Variants in AGBL1 observed in about 807,000 individuals in gnomAD.
The protein encoded by AGBL1 is AGBL carboxypeptidase 1, also known as cytosolic carboxypeptidase 4.
AGBL1 carries 130 observed loss-of-function variants against 118.9 expected under a neutral mutation model. The observed-to-expected ratio is 1.09, with a 90% CI of 0.95 to 1.26. The LOEUF is 1.26. Ranked by LOEUF, AGBL1 falls within the 50% of genes most tolerant of loss-of-function variation. The pLI, the probability that AGBL1 is intolerant of heterozygous loss-of-function variation, is 0.00. For synonymous variants in AGBL1, 555 were observed against 478.9 expected (o/e 1.16, Z -2.08); for missense variants, 1,584 against 1,298.1 (o/e 1.22, Z -3.38).
At chr15:86,084,934 A>G (rs1317378075) in intron 1 of AGBL1, among the ~76,000 whole-genome samples, 2 of 152,206 alleles carry the variant, frequency 1.3e-5, no homozygotes, top group African/African-American at 4.8e-5. Flanking sequence ...GAGATGTGTA[A>G]AAATGAGAAT....
chr15:86,202,198 C>A (rs944974432), intron 5 of AGBL1, among the ~76,000 whole-genome samples: 3 of 152,106 alleles, frequency 2.0e-5, no homozygotes, highest in Non-Finnish European at 4.4e-5. Flanking sequence ...GGGGCTGAGG[C>A]AGGAGAATCC....
chr15:86,739,401 C>A (rs900716741), intron 22 of AGBL1, among the ~76,000 whole-genome samples: 1 of 140,200 alleles, frequency 7.1e-6, no homozygotes, highest in Admixed American at 7.4e-5. Flanking sequence ...CAAGATCGTG[C>A]CATTGCACTC....
chr15:86,360,161 T>C (rs1243835529), intron 17 of AGBL1, among the ~76,000 whole-genome samples: 2 of 151,984 alleles, frequency 1.3e-5, no homozygotes, highest in Admixed American at 6.6e-5. Context: ...TTGATTATCA[T>C]GTGATCTGTG....
At position 86,247,792 on chromosome 15, in the gene AGBL1, C is replaced by G. The variant is rs756569023; in HGVS notation, c.648C>G (p.Leu216=). 41 of 1,613,842 alleles carry G rather than the reference C, an allele frequency of 2.5e-5. 1 individual carries two copies. In the South Asian group the frequency reaches 3.8e-4, roughly 15 times the overall value. The change falls in exon 7 of 23, where the codon CTC becomes CTG. Residue 216 remains leucine, a synonymous_variant. Transcript: ENST00000614907. ...TGCAGATCCGACGGGGCTTGCTGCT[C>G]TGCCTCAGGCACATTGCTGCCCTCC... ...AYVQIRRGLL[L]CLRHIAALRS... is the part of the protein sequence containing the mutation.
chr15:86,893,857 G>A lies in AGBL1; in HGVS notation c.3159-13230G>A, dbSNP rs114343988. Reference sequence around the variant, plus strand: ...CAAGAAGAAGAGGTTTTATGCTATGGCATTCATTTCTATGTATATCATTTC... The same window carrying A: ...CAAGAAGAAGAGGTTTTATGCTATGACATTCATTTCTATGTATATCATTTC... On this transcript the variant is annotated intron_variant, in intron 22 of 22. Transcript: ENST00000614907. 9.3e-3 allele frequency among the ~76,000 whole-genome samples: 1,419 copies of A among 152,194 alleles called. 22 individuals carry two copies. The highest frequency in any genetic ancestry group is 0.033 in the African/African-American group (1,373 of 41,508).
rs141701713 is a variant in AGBL1, at chr15:86,335,847, C to T, written c.2374+40439C>T. Among the ~76,000 whole-genome samples, 387 of 152,286 alleles carry T rather than the reference C, an allele frequency of 2.5e-3. 2 individuals carry two copies. The highest frequency in any genetic ancestry group is 7.0e-3 in the African/African-American group (289 of 41,558). On this transcript the variant is annotated intron_variant, in intron 17 of 22. Transcript: ENST00000614907. The stretch of plus-strand genomic sequence containing the variant: ...CACTTAAATTCAGGACACTCTACTC[C>T]TGGTTTGTCACTTACTACCTGTGAG...
intron 17 of AGBL1, among the ~76,000 whole-genome samples, chr15:86,383,744 T>C (rs1185083974): frequency 1.3e-5 from 2 of 152,210 alleles, no homozygotes; most frequent in Non-Finnish European, 2.9e-5. Flanking sequence ...CAAGAGCAGA[T>C]ACTTTGCTTC....
At chr15:86,976,989 C>A in intron 23 of AGBL1, among the ~76,000 whole-genome samples, 1 of 151,816 alleles carries the variant, frequency 6.6e-6, no homozygotes. Flanking sequence ...TTGTTGATGT[C>A]TTTTAATTTT....
At chr15:86,771,559 C>G (rs1419969437) in intron 22 of AGBL1, among the ~76,000 whole-genome samples, 1 of 151,962 alleles carries the variant, frequency 6.6e-6, no homozygotes, top group Non-Finnish European at 1.5e-5. Flanking sequence ...TTACCCCTAA[C>G]CCCCGTATTT....
At chr15:86,234,614 C>G (rs948903858) in intron 6 of AGBL1, among the ~76,000 whole-genome samples, 2 of 150,464 alleles carry the variant, frequency 1.3e-5, no homozygotes, top group Non-Finnish European at 3.0e-5. Context: ...TCAGTGGTCA[C>G]TGTGCAGGCT....
chr15:86,127,790 C>A (rs1018402603), intron 1 of AGBL1, among the ~76,000 whole-genome samples: 45 of 152,136 alleles, frequency 3.0e-4, no homozygotes, highest in South Asian at 2.1e-4. Flanking sequence ...TCACATAAAA[C>A]CCTCCTGTGA....
At chr15:86,643,888 A>C (rs2085231283) in intron 21 of AGBL1, among the ~76,000 whole-genome samples, 2 of 152,190 alleles carry the variant, frequency 1.3e-5, no homozygotes, top group East Asian at 3.8e-4. Context: ...AGAGAAGAGC[A>C]GCTTTCAACT....
intron 21 of AGBL1, among the ~76,000 whole-genome samples, chr15:86,588,888 T>C (rs1391956788): frequency 6.6e-6 from 1 of 152,206 alleles, no homozygotes; most frequent in East Asian, 1.9e-4. Flanking sequence ...GGCAAATACG[T>C]GTTATCAATG....
intron 5 of AGBL1, among the ~76,000 whole-genome samples, chr15:86,210,673 T>C (rs994616948): frequency 6.6e-6 from 1 of 152,218 alleles, no homozygotes; most frequent in Non-Finnish European, 1.5e-5. Flanking sequence ...ATCAGGTCAT[T>C]TGAGGTTTTC....
chr15:86,129,894 T>C (rs967561439), intron 1 of AGBL1, among the ~76,000 whole-genome samples: 1 of 152,036 alleles, frequency 6.6e-6, no homozygotes, highest in African/African-American at 2.4e-5. Flanking sequence ...AAATTTAAAA[T>C]TGTGGAATGG....
intron 22 of AGBL1, among the ~76,000 whole-genome samples, chr15:86,816,189 A>G (rs139534866): frequency 0.012 from 1,861 of 152,340 alleles, 26 homozygotes; most frequent in Middle Eastern, 0.061. Flanking sequence ...CCTTTAGGAC[A>G]GAGGACAAAA....
rs565100740 is a variant in AGBL1 at position 86,590,087 on chromosome 15, G to T, written c.2994+35550G>T. Among the ~76,000 whole-genome samples the T allele has an allele frequency of 3.2e-4, 49 of 152,294 alleles. No individual in the cohort carries two copies. In the South Asian group the frequency reaches 7.7e-3, roughly 24 times the overall value. Reference sequence around the variant, plus strand: ...CACAGGGAGAACCACAGAGTGATTGGCCTCCCCAGTGGGCTGCAAAAGCTT... The same window carrying T: ...CACAGGGAGAACCACAGAGTGATTGTCCTCCCCAGTGGGCTGCAAAAGCTT... On this transcript the variant is annotated intron_variant, in intron 21 of 22. Coordinates refer to ENST00000614907, the MANE Select transcript of AGBL1 (RefSeq NM_001386094.1).
At chr15:86,682,782 A>C (rs1055918164) in intron 22 of AGBL1, among the ~76,000 whole-genome samples, 1 of 152,138 alleles carries the variant, frequency 6.6e-6, no homozygotes, top group African/African-American at 2.4e-5. Flanking sequence ...TATATAAGAT[A>C]ATAATAAAGC....
chr15:86,932,150 G>T (rs545723607), intron 23 of AGBL1, among the ~76,000 whole-genome samples: 66 of 152,240 alleles, frequency 4.3e-4, no homozygotes, highest in Non-Finnish European at 6.8e-4. Flanking sequence ...TCAAACCCAG[G>T]TTTCCCAAGA....
Sources: gnomAD v4.1 joint callset for allele counts (sites outside exome capture counted in the v4.1 genomes callset) on GRCh38, gnomAD v4.1.1 for gene constraint, MANE v1.5 for transcripts, NCBI Gene and HGNC (gene_info 2026-07-23, HGNC 2026-07-21) for gene names.